APBA2: variants seen among roughly 807,000 people sequenced by gnomAD.
APBA2 encodes the protein amyloid beta precursor protein binding family A member 2.
A neutral mutation model predicts 75.0 loss-of-function variants in APBA2; 30 were observed. The observed-to-expected ratio is 0.40, with a 90% CI of 0.30 to 0.54. The LOEUF (loss-of-function observed/expected upper bound fraction) is 0.54, where lower values mean the gene tolerates loss of function less well. Among genes scored for constraint, APBA2 ranks in the 20% least tolerant of loss-of-function variants. The probability of loss-of-function intolerance (pLI) is 0.49; values close to 1 mark genes in which losing one functional copy is unlikely to be tolerated. For missense variants in APBA2, 801 were observed against 1,016.1 expected (o/e 0.79, Z 2.88); for synonymous variants, 444 against 409.6 (o/e 1.08, Z -1.01).
At chr15:28,924,342 G>A (rs886265871) in intron 2 of APBA2, among the ~76,000 whole-genome samples, 4 of 152,118 alleles carry the variant, frequency 2.6e-5, no homozygotes, top group Non-Finnish European at 5.9e-5. Context: ...GCAGTGTTGG[G>A]CACCCACTAT....
At chr15:29,023,938 C>G (rs537380803) in intron 3 of APBA2, among the ~76,000 whole-genome samples, 1 of 146,920 alleles carries the variant, frequency 6.8e-6, no homozygotes, top group Non-Finnish European at 1.5e-5. Context: ...CAGTCTCGCT[C>G]TGTTGCCCAG....
intron 2 of APBA2, among the ~76,000 whole-genome samples, chr15:28,952,781 T>C (rs1259740214): frequency 1.3e-5 from 2 of 152,224 alleles, no homozygotes; most frequent in African/African-American, 2.4e-5. Context: ...GAATTTTCAT[T>C]AACTGAGACA....
chr15:28,887,313 T>C (rs1014300640), intron 1 of APBA2, among the ~76,000 whole-genome samples: 1 of 152,174 alleles, frequency 6.6e-6, no homozygotes, highest in Non-Finnish European at 1.5e-5. Flanking sequence ...CTTTCTGTTT[T>C]TGTTTTTGTT....
intron 3 of APBA2, among the ~76,000 whole-genome samples, chr15:29,020,204 T>TTTTTTATTA (rs2039881076): frequency 6.6e-6 from 1 of 152,144 alleles, no homozygotes; most frequent in Non-Finnish European, 1.5e-5. Context: ...AAAAAAGGTT[T>TTTTTTATTA]AATACATCCT....
In APBA2 at chr15:29,042,808, A is replaced by G. The variant is rs142490825; in HGVS notation, c.-40-11037A>G. Among the ~76,000 whole-genome samples, 498 of 152,138 alleles carry G rather than the reference A, an allele frequency of 3.3e-3. 8 individuals are homozygous for G. The highest frequency in any genetic ancestry group is 0.011 in the African/African-American group (476 of 41,510). On this transcript the variant is annotated intron_variant, in intron 3 of 14. Coordinates refer to ENST00000683413, the MANE Select transcript of APBA2 (RefSeq NM_001353788.2). ...GTGACAGATTTCTTTGTCTCTGAGG[A>G]TGGATCTGGTAGAGGGTGTATTTAG...
chr15:28,924,027 C>T (rs945082386), intron 2 of APBA2, among the ~76,000 whole-genome samples: 2 of 152,178 alleles, frequency 1.3e-5, no homozygotes, highest in Non-Finnish European at 2.9e-5. Flanking sequence ...AGCCAGCGGT[C>T]AACCTGGCCA....
intron 3 of APBA2, among the ~76,000 whole-genome samples, chr15:29,013,076 G>A (rs2039479743): frequency 6.6e-6 from 1 of 151,958 alleles, no homozygotes; most frequent in Non-Finnish European, 1.5e-5. Context: ...GTTGTTCTTG[G>A]TGAGAGGATT....
chr15:28,902,454 C>T (rs566129099), intron 1 of APBA2, among the ~76,000 whole-genome samples: 1 of 152,270 alleles, frequency 6.6e-6, no homozygotes, highest in African/African-American at 2.4e-5. Flanking sequence ...GCCCTCTTCC[C>T]CTTTCAGGTG....
At chr15:29,015,469 G>A (rs1461923455) in intron 3 of APBA2, among the ~76,000 whole-genome samples, 1 of 152,198 alleles carries the variant, frequency 6.6e-6, no homozygotes, top group Non-Finnish European at 1.5e-5. Flanking sequence ...TGGTTTGCCT[G>A]CTGTCCCCCA....
At chr15:28,900,188 C>A (rs140149527) in intron 1 of APBA2, among the ~76,000 whole-genome samples, 1 of 152,328 alleles carries the variant, frequency 6.6e-6, no homozygotes, top group East Asian at 1.9e-4. Flanking sequence ...TCTTCCCAGC[C>A]TCCTCCGCCT....
At chr15:29,116,641 AAAG>A (rs1236597905) in intron 14 of APBA2, among the ~76,000 whole-genome samples, 61 of 151,674 alleles carry the variant, frequency 4.0e-4, no homozygotes, top group Middle Eastern at 3.4e-3. Flanking sequence ...AAAAAAAAAA[AAAG>A]AAGGGGTGCG....
intron 3 of APBA2, among the ~76,000 whole-genome samples, chr15:29,045,103 C>CTCTCTCTCTTTCTT (rs57446098): frequency 2.3e-4 from 32 of 140,404 alleles, no homozygotes; most frequent in African/African-American, 8.8e-4. Context: ...CTCTCTCTCT[C>CTCTCTCTCTTTCTT]GTCTCGCACT....
At chr15:29,103,816 C>T (rs2152967223) in intron 10 of APBA2, among the ~76,000 whole-genome samples, 1 of 152,242 alleles carries the variant, frequency 6.6e-6, no homozygotes, top group East Asian at 1.9e-4. Flanking sequence ...GCCTGGGGGC[C>T]GCCCTCCGCT....
intron 2 of APBA2, among the ~76,000 whole-genome samples, chr15:28,983,239 G>A (rs536525071): frequency 7.2e-5 from 11 of 152,310 alleles, no homozygotes; most frequent in African/African-American, 1.7e-4. Flanking sequence ...TCAGTCAGCC[G>A]TCACGTTGGG....
intron 8 of APBA2, among the ~76,000 whole-genome samples, chr15:29,097,630 T>C (rs1360139699): frequency 6.6e-6 from 1 of 152,238 alleles, no homozygotes. Context: ...TCTAGCTAAT[T>C]AACGTGCATT....
At position 29,052,355 on chromosome 15, in the gene APBA2, T is replaced by C. The variant is rs554159134; in HGVS notation, c.-40-1490T>C. ...CTGTAGTCCCAGCTACTCGGGAGGCTGAGGCAGGAGAATGGTGTGAACCCA... is the reference window on the plus strand; with the variant it reads ...CTGTAGTCCCAGCTACTCGGGAGGCCGAGGCAGGAGAATGGTGTGAACCCA... On this transcript the variant is annotated intron_variant, in intron 3 of 14. Transcript: ENST00000683413. Among the ~76,000 whole-genome samples, 423 of 149,910 alleles carry C rather than the reference T, an allele frequency of 2.8e-3. 2 individuals are homozygous for C. Among genetic ancestry groups the C allele is most frequent in the Non-Finnish European group, 4.7e-3 (321 of 67,934 alleles).
chr15:29,060,104 A>C (rs561645894), intron 4 of APBA2, among the ~76,000 whole-genome samples: 1 of 152,214 alleles, frequency 6.6e-6, no homozygotes, highest in Admixed American at 6.5e-5. Context: ...GCAACCCCAA[A>C]TGGTGATGAT....
rs757921952 is a variant in APBA2, at chr15:29,106,643, G to C, written c.1741G>C (p.Val581Leu). The change falls in exon 12 of 15, where the codon GTG becomes CTG. Residue 581 changes from valine to leucine, a missense_variant. Val to Leu is a conservative substitution (Grantham distance 32, BLOSUM62 1). Coordinates refer to ENST00000683413, the MANE Select transcript of APBA2 (RefSeq NM_001353788.2). ...LEKHKGEILG[V>L]VVVESGWGSI... ...GAAGCACAAGGGCGAGATCCTGGGC[G>C]TGGTGGTGGTGGAGTCGGGCTGGGG... 1 of 1,612,944 alleles carries C rather than the reference G, an allele frequency of 6.2e-7. No individual in the cohort carries two copies. Among genetic ancestry groups the C allele is most frequent in the Non-Finnish European group, 8.5e-7 (1 of 1,179,966 alleles).
chr15:29,107,783 C>T (rs573295452), intron 12 of APBA2, among the ~76,000 whole-genome samples: 4 of 152,340 alleles, frequency 2.6e-5, no homozygotes, highest in South Asian at 4.1e-4. Context: ...CAATTGCGTC[C>T]TCACTCACAG....
Sources: allele counts gnomAD v4.1 joint callset (sites outside exome capture counted in the v4.1 genomes callset), GRCh38; gene constraint gnomAD v4.1.1; transcripts MANE v1.5; gene names NCBI Gene and HGNC (gene_info 2026-07-23, HGNC 2026-07-21).